Variants in PCDH7 observed in about 807,000 individuals in gnomAD.
PCDH7 encodes the protein protocadherin-7.
PCDH7 carries 17 observed loss-of-function variants against 58.9 expected under a neutral mutation model. That is an observed-to-expected ratio of 0.29 (90% CI 0.20 to 0.43). The LOEUF (loss-of-function observed/expected upper bound fraction) is 0.43, where lower values mean the gene tolerates loss of function less well. PCDH7 is among the 20% of genes least tolerant of loss of function. PCDH7 has a pLI of 1.00. For missense variants in PCDH7, 1,274 were observed against 1,441.0 expected (o/e 0.88, Z 1.88); for synonymous variants, 664 against 616.4 (o/e 1.08, Z -1.14).
chr4:30,743,168 A>T (rs1577621120), intron 1 of PCDH7, among the ~76,000 whole-genome samples: 3 of 152,196 alleles, frequency 2.0e-5, no homozygotes. Context: ...AACTGAAGCT[A>T]AGTATTTTCC....
chr4:30,886,165 T>C (rs952693108), intron 1 of PCDH7, among the ~76,000 whole-genome samples: 48 of 150,238 alleles, frequency 3.2e-4, no homozygotes, highest in African/African-American at 1.2e-3. Context: ...CAAAAGAAAC[T>C]ACCATCAGAG....
intron 2 of PCDH7, among the ~76,000 whole-genome samples, chr4:30,943,391 T>G (rs975302256): frequency 1.3e-5 from 2 of 152,154 alleles, no homozygotes; most frequent in African/African-American, 4.8e-5. Flanking sequence ...ATTATGTAGG[T>G]TTTATTATTT....
chr4:31,027,137 T>C (rs1754501663), intron 3 of PCDH7, among the ~76,000 whole-genome samples: 2 of 152,122 alleles, frequency 1.3e-5, no homozygotes, highest in Admixed American at 6.5e-5. Context: ...AATTTATCTT[T>C]ACCAGACCCA....
chr4:31,038,463 G>A (rs1755590035), intron 3 of PCDH7, among the ~76,000 whole-genome samples: 1 of 152,082 alleles, frequency 6.6e-6, no homozygotes, highest in African/African-American at 2.4e-5. Context: ...TACAAAGGTA[G>A]CCAGAGGACT....
In PCDH7 at chr4:30,964,390, C is replaced by T. The variant is rs146176220; in HGVS notation, c.*7+14175C>T. ...CCGAGTAGCTGGGACTACAGGCGTC[C>T]GCCACCTCGCCCCACTAATTTTTTG... On this transcript the variant is annotated intron_variant, in intron 3 of 3. Transcript: ENST00000509759. Among the ~76,000 whole-genome samples the T allele has an allele frequency of 3.0e-4, 45 of 151,702 alleles. No individual in the cohort carries two copies. In the East Asian group the frequency reaches 6.8e-3, roughly 23 times the overall value.
intron 1 of PCDH7, among the ~76,000 whole-genome samples, chr4:30,784,952 A>C (rs1301853736): frequency 1.3e-5 from 2 of 152,106 alleles, no homozygotes; most frequent in East Asian, 1.9e-4. Flanking sequence ...TGATATAACA[A>C]GTAATATGAT....
intron 3 of PCDH7, among the ~76,000 whole-genome samples, chr4:31,079,758 A>T (rs538718780): frequency 2.9e-4 from 44 of 152,130 alleles, no homozygotes; most frequent in Non-Finnish European, 5.7e-4. Context: ...TGTTAACTGC[A>T]GCTTTAGAAA....
intron 3 of PCDH7, among the ~76,000 whole-genome samples, chr4:30,986,687 A>C (rs1750995821): frequency 6.6e-6 from 1 of 152,100 alleles, no homozygotes; most frequent in Admixed American, 6.6e-5. Context: ...AATCCGTTTG[A>C]AAATGTCTTT....
At chr4:30,824,301 A>G (rs1728833293) in intron 1 of PCDH7, among the ~76,000 whole-genome samples, 1 of 151,954 alleles carries the variant, frequency 6.6e-6, no homozygotes, top group African/African-American at 2.4e-5. Context: ...CCCTCCATTC[A>G]AAAATTTAAA....
At chr4:30,924,934 C>T (rs1743651496) in intron 2 of PCDH7, among the ~76,000 whole-genome samples, 1 of 151,072 alleles carries the variant, frequency 6.6e-6, no homozygotes, top group Non-Finnish European at 1.5e-5. Flanking sequence ...AGGTTTATAA[C>T]AAGTTAAATG....
At chr4:30,904,749 A>T (rs1740696539) in intron 1 of PCDH7, among the ~76,000 whole-genome samples, 1 of 152,206 alleles carries the variant, frequency 6.6e-6, no homozygotes, top group African/African-American at 2.4e-5. Flanking sequence ...CAAAGTGCAG[A>T]TAAGGAAGTT....
intron 3 of PCDH7, among the ~76,000 whole-genome samples, chr4:31,080,280 GTT>G (rs34678462): frequency 1.6e-4 from 24 of 150,788 alleles, no homozygotes; most frequent in African/African-American, 3.4e-4. Context: ...TGTTTAGAAA[GTT>G]TTTTTTTTAA....
At chr4:31,132,630 GT>G (rs1304221776) in intron 3 of PCDH7, among the ~76,000 whole-genome samples, 1 of 152,042 alleles carries the variant, frequency 6.6e-6, no homozygotes, top group Non-Finnish European at 1.5e-5. Flanking sequence ...ACTTACAACT[GT>G]TTTAGTACCA....
At chr4:30,759,325 C>A (rs906073356) in intron 1 of PCDH7, among the ~76,000 whole-genome samples, 2 of 152,064 alleles carry the variant, frequency 1.3e-5, no homozygotes, top group Non-Finnish European at 2.9e-5. Flanking sequence ...TTCTGTTCAT[C>A]CTCTGTCCGA....
At chr4:30,845,785 G>A (rs1731860095) in intron 1 of PCDH7, among the ~76,000 whole-genome samples, 1 of 152,038 alleles carries the variant, frequency 6.6e-6, no homozygotes, top group South Asian at 2.1e-4. Flanking sequence ...TAGAGACAGA[G>A]TAACATTACA....
intron 3 of PCDH7, among the ~76,000 whole-genome samples, chr4:31,036,186 T>C (rs1424039960): frequency 1.3e-5 from 2 of 152,178 alleles, no homozygotes; most frequent in African/African-American, 2.4e-5. Context: ...GAAATTGTAG[T>C]TCTTTTTTTG....
intron 1 of PCDH7, among the ~76,000 whole-genome samples, chr4:30,793,080 C>G (rs1724337091): frequency 6.6e-6 from 1 of 152,012 alleles, no homozygotes; most frequent in Non-Finnish European, 1.5e-5. Flanking sequence ...TCATGTGGGC[C>G]TTTTAAATAA....
Position 30,824,099 on chromosome 4 carries a change from C to CT in PCDH7, c.71-96051dup, listed in dbSNP as rs779300865. On this transcript the variant is annotated intron_variant, in intron 1 of 3. Transcript: ENST00000509759. ...GTTTCTTTTCTTTCTTTCTTTCTTT[C>CT]TTTCTTTCTTTCTTTCTTTCTTTCT... Among the ~76,000 whole-genome samples the CT allele has an allele frequency of 9.4e-4, 105 of 111,354 alleles. 1 individual carries two copies. Among genetic ancestry groups the CT allele is most frequent in the Admixed American group, 2.5e-3 (24 of 9,694 alleles). 73.1% of individuals were successfully genotyped at this position (111,354 alleles called of 152,430 possible).
In PCDH7 at chr4:30,844,804, G is replaced by A. The variant is rs543659530; in HGVS notation, c.71-75349G>A. The stretch of plus-strand genomic sequence containing the variant: ...GCAGATTAATGTATGTGATCACTAA[G>A]GTTTAACCCTTCTAATTACATTCCA... On this transcript the variant is annotated intron_variant, in intron 1 of 3. Transcript: ENST00000509759. Among the ~76,000 whole-genome samples, 36 of 152,232 alleles carry A rather than the reference G, an allele frequency of 2.4e-4. No individual in the cohort carries two copies. In the East Asian group the frequency reaches 2.7e-3, roughly 11 times the overall value.
Sources: allele counts gnomAD v4.1 joint callset (sites outside exome capture counted in the v4.1 genomes callset), GRCh38; gene constraint gnomAD v4.1.1; transcripts MANE v1.5; gene names NCBI Gene and HGNC (gene_info 2026-07-23, HGNC 2026-07-21).